The following CCDC18 variants were observed in gnomAD, a reference collection of about 807,000 sequenced individuals.
The protein encoded by CCDC18 is coiled-coil domain-containing protein 18.
In CCDC18, 157 loss-of-function variants were observed where a neutral mutation model predicts 196.0. That is an observed-to-expected ratio of 0.80 (90% CI 0.70 to 0.91). The LOEUF (loss-of-function observed/expected upper bound fraction) is 0.91. Ranked by LOEUF, CCDC18 falls within the 40% of genes least tolerant of loss-of-function variation. CCDC18 has a pLI of 0.00. For missense variants in CCDC18, 1,465 were observed against 1,611.6 expected, an observed-to-expected ratio of 0.91 and a Z score of 1.56; for synonymous variants, 482 against 529.2, an observed-to-expected ratio of 0.91 and a Z score of 1.22.
At chr1:93,274,896 AT>A (rs895098375) in intron 28 of CCDC18, among the ~76,000 whole-genome samples, 3 of 152,206 alleles carry the variant, frequency 2.0e-5, no homozygotes, top group African/African-American at 7.2e-5. Context: ...TCAAAGTTAT[AT>A]TCTGTATAAA....
At chr1:93,270,982 A>G (rs1288342443) in intron 28 of CCDC18, 168 bp downstream of exon 28, 5 of 982,998 alleles carry the variant, frequency 5.1e-6, no homozygotes, top group African/African-American at 3.5e-5. Flanking sequence ...CATTTTCTCT[A>G]TTGCATGGTG....
rs777168910 is a variant in CCDC18 at position 93,181,159 on chromosome 1, T to TTAAAAAA, written c.-3+307_-3+308insTAAAAAA. Among the ~76,000 whole-genome samples the TTAAAAAA allele has an allele frequency of 1.9e-3, 175 of 89,868 alleles. 5 individuals are homozygous for TTAAAAAA. Among genetic ancestry groups the TTAAAAAA allele is most frequent in the African/African-American group, 7.1e-3 (166 of 23,266 alleles). The allele number at this position is 89,868 out of a possible 152,430, so 59.0% of individuals were successfully genotyped here. A position where few individuals can be genotyped will look rare whatever the true frequency, so the allele number is the denominator to read the frequency against. ...TGGCGAGCCACTGTCTCTATAAAAT[T>TTAAAAAA]AAAAAAAAAAAAAAAAAGAGGAAAC... On this transcript the variant is annotated intron_variant, in intron 1 of 28. Transcript: ENST00000690025.
At chr1:93,261,344 T>A (rs923251527) in intron 26 of CCDC18, among the ~76,000 whole-genome samples, 2 of 152,134 alleles carry the variant, frequency 1.3e-5, no homozygotes, top group African/African-American at 4.8e-5. Flanking sequence ...TACATCCTCA[T>A]ATTTATTTTT....
intron 27 of CCDC18, 182 bp downstream of exon 27, chr1:93,265,083 C>T (rs754665623): frequency 1.2e-4 from 62 of 517,700 alleles, no homozygotes; most frequent in Middle Eastern, 5.3e-4. Flanking sequence ...ATCTTATTAC[C>T]GTAGAAGATA....
Position 93,232,508 on chromosome 1 carries a change from C to T in CCDC18, c.2375C>T (p.Thr792Ile). ...GAGCAAAACGTTATTCTACAGCATA[C>T]TCTTCAGCAACAGCAGCAAATGTTA... is the stretch of plus-strand genomic sequence containing the variant. The part of the protein sequence containing the change: ...TSEQNVILQH[T>I]LQQQQQMLQQ... The change falls in exon 18 of 29, where the codon ACT (threonine) becomes ATT (isoleucine). Residue 792 changes from threonine to isoleucine, a missense_variant. Thr to Ile is a moderately conservative substitution (Grantham distance 89). Transcript: ENST00000690025. The T allele has an allele frequency of 6.2e-7, 1 of 1,612,390 alleles. No individual in the cohort carries two copies. The highest frequency in any genetic ancestry group is 1.7e-5 in the Admixed American group (1 of 59,998).
intron 5 of CCDC18, among the ~76,000 whole-genome samples, chr1:93,192,690 G>A (rs372801525): frequency 6.2e-4 from 95 of 152,282 alleles, no homozygotes; most frequent in East Asian, 5.8e-3. Flanking sequence ...GTCCTGCCTC[G>A]GCCTCCCAAA....
intron 26 of CCDC18, among the ~76,000 whole-genome samples, chr1:93,262,588 C>A (rs1173727350): frequency 6.6e-6 from 1 of 152,212 alleles, no homozygotes; most frequent in Non-Finnish European, 1.5e-5. Flanking sequence ...GGTGGACTCC[C>A]AAAGTTCTGG....
At chr1:93,204,117 C>T (rs1221290449) in intron 7 of CCDC18, among the ~76,000 whole-genome samples, 1 of 151,962 alleles carries the variant, frequency 6.6e-6, no homozygotes, top group Non-Finnish European at 1.5e-5. Context: ...GGTAAAGCAC[C>T]TAAGGGTATC....
chr1:93,183,346 ATT>A lies in CCDC18; in HGVS notation c.-2-5_-2-4del. The A allele has an allele frequency of 2.1e-6, 3 of 1,395,518 alleles. No individual in the cohort carries two copies. The highest frequency in any genetic ancestry group is 1.9e-6 in the Non-Finnish European group (2 of 1,030,164). 86.4% of individuals were successfully genotyped at this position (1,395,518 alleles called of 1,614,324 possible). On this transcript the variant is annotated splice_polypyrimidine_tract_variant and intron_variant, in intron 1 of 28. Transcript: ENST00000690025. ...CTTTCAGACAAGGTACAAGAAATTC[ATT>A]TTTTTTTTAAGAAATGGAATCTAGT...
At chr1:93,224,268 G>A (rs930439263) in intron 16 of CCDC18, among the ~76,000 whole-genome samples, 6 of 151,960 alleles carry the variant, frequency 3.9e-5, no homozygotes, top group African/African-American at 1.5e-4. Context: ...TTGCCAAACC[G>A]CCTGAGAGAA....
rs1025541121 is a variant in CCDC18, at chr1:93,213,843, A to G, written c.1496-900A>G. 2.0e-4 allele frequency among the ~76,000 whole-genome samples: 31 copies of G among 152,348 alleles called. 1 individual carries two copies. Among genetic ancestry groups the G allele is most frequent in the African/African-American group, 7.2e-4 (30 of 41,584 alleles). ...TATAATATGTTATAGATTCTTTTAC[A>G]TCAAGAACAGAGCCAATAAAAAGTA... On this transcript the variant is annotated intron_variant, in intron 11 of 28. Transcript: ENST00000690025.
chr1:93,278,354 A>C (rs1478985296), intron 28 of CCDC18, 109 bp from the exon 29 acceptor site: 2 of 425,198 alleles, frequency 4.7e-6, no homozygotes, highest in Non-Finnish European at 8.4e-6. Flanking sequence ...TAGACTAAAT[A>C]TTTCTCACTC....
chr1:93,228,844 T>C (rs1241692415), intron 17 of CCDC18, among the ~76,000 whole-genome samples: 1 of 152,206 alleles, frequency 6.6e-6, no homozygotes, highest in Non-Finnish European at 1.5e-5. Context: ...TCTGTTGAGC[T>C]TTAGACTTTG....
intron 6 of CCDC18, 62 bp from the exon 7 acceptor site, chr1:93,201,830 A>G (rs963835803): frequency 8.5e-5 from 89 of 1,050,976 alleles, no homozygotes; most frequent in Non-Finnish European, 5.2e-5. Flanking sequence ...TTACTTTGGA[A>G]CTTAACTCTT....
At chr1:93,231,962 T>G (rs1659304921) in intron 17 of CCDC18, among the ~76,000 whole-genome samples, 1 of 152,324 alleles carries the variant, frequency 6.6e-6, no homozygotes, top group East Asian at 1.9e-4. Flanking sequence ...GTTCCCTCCT[T>G]CTGGGAGAGG....
At position 93,264,964 on chromosome 1, in the gene CCDC18, CCTGT is replaced by C. The variant is rs777090637; in HGVS notation, c.3885+66_3885+69del. ...AAAACATAAATGTCTGACTTATTTA[CCTGT>C]CTTAGTAGTTTATAGAGGACTATAT... is the stretch of plus-strand genomic sequence containing the variant. On this transcript the variant is annotated intron_variant, in intron 27 of 28. Transcript: ENST00000690025. 1.4e-5 allele frequency: 17 copies of C among 1,181,182 alleles called. No individual in the cohort carries two copies. In the African/African-American group the frequency reaches 2.1e-4, roughly 15 times the overall value. The allele number at this position is 1,181,182 out of a possible 1,614,324, so 73.2% of individuals were successfully genotyped here. A position where few individuals can be genotyped will look rare whatever the true frequency, so the allele number is the denominator to read the frequency against.
chr1:93,213,518 T>G (rs907466187), intron 11 of CCDC18, among the ~76,000 whole-genome samples: 6 of 152,142 alleles, frequency 3.9e-5, no homozygotes, highest in Non-Finnish European at 1.5e-5. Flanking sequence ...AAACTTCCCT[T>G]TAAGCGGTGC....
At chr1:93,192,916 C>A (rs1323607151) in intron 5 of CCDC18, among the ~76,000 whole-genome samples, 1 of 152,178 alleles carries the variant, frequency 6.6e-6, no homozygotes, top group Non-Finnish European at 1.5e-5. Context: ...GCATACTGAA[C>A]CAAGTTGGGA....
intron 1 of CCDC18, among the ~76,000 whole-genome samples, chr1:93,182,816 C>G (rs921440355): frequency 6.6e-6 from 1 of 152,054 alleles, no homozygotes; most frequent in Non-Finnish European, 1.5e-5. Flanking sequence ...AATAAATTCC[C>G]TTCTAACAAA....
Sources: allele counts gnomAD v4.1 joint callset (sites outside exome capture counted in the v4.1 genomes callset), GRCh38; gene constraint gnomAD v4.1.1; transcripts MANE v1.5; gene names NCBI Gene and HGNC (gene_info 2026-07-23, HGNC 2026-07-21).